Variants in WDR59 observed in about 807,000 individuals in gnomAD.
WDR59 encodes the protein WD repeat domain 59.
WDR59 carries 100 observed loss-of-function variants against 131.2 expected under a neutral mutation model. The observed-to-expected ratio is 0.76, with a 90% CI of 0.65 to 0.90. The LOEUF (loss-of-function observed/expected upper bound fraction) is 0.90. Among genes scored for constraint, WDR59 ranks in the 40% least tolerant of loss-of-function variants. The probability of loss-of-function intolerance (pLI) is 0.00; values close to 1 mark genes in which losing one functional copy is unlikely to be tolerated. For missense variants in WDR59, 1,203 were observed against 1,262.2 expected (o/e 0.95, Z 0.71); for synonymous variants, 601 against 466.2 (o/e 1.29, Z -3.72).
intron 1 of WDR59, among the ~76,000 whole-genome samples, chr16:74,967,384 C>T (rs1321318306): frequency 6.6e-6 from 1 of 152,166 alleles, no homozygotes; most frequent in African/African-American, 2.4e-5. Context: ...GTTCCTCTAA[C>T]AAGATCTGTG....
At position 74,873,726 on chromosome 16, in the gene WDR59, T is replaced by C. The variant is rs1428786899; in HGVS notation, c.*483A>G. 6.5e-6 allele frequency: 1 copy of C among 154,658 alleles called. No individual in the cohort carries two copies. Among genetic ancestry groups the C allele is most frequent in the Non-Finnish European group, 1.4e-5 (1 of 69,718 alleles). The allele number at this position is 154,658 out of a possible 1,614,324, so 9.6% of individuals were successfully genotyped here. On this transcript the variant is annotated 3_prime_UTR_variant, in exon 26 of 26. Transcript: ENST00000262144. ...TAAGTGTCATATTTTAGAAGGCCACTGTCCATCAGCTCAGTAAATGTACCA... is the reference window on the plus strand; with the variant it reads ...TAAGTGTCATATTTTAGAAGGCCACCGTCCATCAGCTCAGTAAATGTACCA...
intron 10 of WDR59, among the ~76,000 whole-genome samples, chr16:74,919,251 A>G (rs1034477468): frequency 6.6e-6 from 1 of 150,792 alleles, no homozygotes; most frequent in African/African-American, 2.4e-5. Flanking sequence ...ATTCACTAAA[A>G]CCGGTTCCTG....
intron 6 of WDR59, among the ~76,000 whole-genome samples, chr16:74,944,534 A>G (rs2032467468): frequency 6.6e-6 from 1 of 151,874 alleles, no homozygotes; most frequent in African/African-American, 2.4e-5. Flanking sequence ...TCTCAGACAC[A>G]GAGAACACTC....
chr16:74,948,013 T>C (rs1282237509), intron 6 of WDR59, among the ~76,000 whole-genome samples: 1 of 151,990 alleles, frequency 6.6e-6, no homozygotes, highest in Non-Finnish European at 1.5e-5. Flanking sequence ...GAGGCTGCAG[T>C]GAGCCAAGGC....
chr16:74,889,615 C>T, intron 21 of WDR59, 88 bp downstream of exon 21: 2 of 1,028,550 alleles, frequency 1.9e-6, no homozygotes, highest in Non-Finnish European at 3.0e-6. Flanking sequence ...GGCCTCTGCA[C>T]CTTTCTCTTA....
intron 10 of WDR59, among the ~76,000 whole-genome samples, chr16:74,919,694 C>T (rs536400105): frequency 2.0e-5 from 3 of 152,054 alleles, no homozygotes; most frequent in Non-Finnish European, 4.4e-5. Context: ...CAGTTAAATG[C>T]TTTTCTCTTA....
At chr16:74,898,072 C>T (rs1399434470) in intron 18 of WDR59, among the ~76,000 whole-genome samples, 1 of 152,200 alleles carries the variant, frequency 6.6e-6, no homozygotes, top group African/African-American at 2.4e-5. Flanking sequence ...ACTCATGTTC[C>T]ATCCACTTCT....
intron 2 of WDR59, chr16:74,963,061 G>C (rs1347937521): frequency 6.6e-6 from 1 of 152,144 alleles, no homozygotes; most frequent in African/African-American, 2.4e-5. Context: ...ATCAAGACCA[G>C]CCTGGGCAAC....
rs1279492120 is a variant in WDR59 at position 74,899,684 on chromosome 16, A to G, written c.1866+4263T>C. On this transcript the variant is annotated intron_variant, in intron 18 of 25. Transcript: ENST00000262144. Reference sequence around the variant, plus strand: ...AGGATTAGTTAAGGAGAGCATTTGCACAGCGCACAGTACCGGGAAGTCGTT... The same window carrying G: ...AGGATTAGTTAAGGAGAGCATTTGCGCAGCGCACAGTACCGGGAAGTCGTT... 8 of 1,289,080 alleles carry G rather than the reference A, an allele frequency of 6.2e-6. No individual in the cohort carries two copies. The African/African-American group carries it at 1.2e-4, about 20-fold the overall frequency. 79.9% of individuals were successfully genotyped at this position (1,289,080 alleles called of 1,614,324 possible).
In WDR59 at chr16:74,982,095, A is replaced by T. The variant is rs77045111; in HGVS notation, c.54+2869T>A. Among the ~76,000 whole-genome samples the T allele has an allele frequency of 5.3e-3, 760 of 144,322 alleles. 3 individuals are homozygous for T. The highest frequency in any genetic ancestry group is 8.2e-3 in the Non-Finnish European group (538 of 65,294). 94.7% of individuals were successfully genotyped at this position (144,322 alleles called of 152,430 possible). On this transcript the variant is annotated intron_variant, in intron 1 of 25. Transcript: ENST00000262144. Reference sequence around the variant, plus strand: ...GATACAGAGACTCCTATCCCTATTTAAAAAAAAAATGCAAAATGAAAGAAA... The same window carrying T: ...GATACAGAGACTCCTATCCCTATTTTAAAAAAAAATGCAAAATGAAAGAAA...
At chr16:74,902,540 A>T (rs770269061) in intron 18 of WDR59, among the ~76,000 whole-genome samples, 3 of 152,122 alleles carry the variant, frequency 2.0e-5, no homozygotes, top group Non-Finnish European at 2.9e-5. Flanking sequence ...CACCCCCACA[A>T]AGTGAAAATT....
chr16:74,920,618 T>C (rs955143491), intron 10 of WDR59, among the ~76,000 whole-genome samples: 1 of 152,156 alleles, frequency 6.6e-6, no homozygotes, highest in African/African-American at 2.4e-5. Flanking sequence ...CCAGAACTCC[T>C]GGCCTCAAGT....
intron 2 of WDR59, among the ~76,000 whole-genome samples, chr16:74,960,896 A>AT (rs1243481911): frequency 6.6e-6 from 1 of 152,096 alleles, no homozygotes; most frequent in African/African-American, 2.4e-5. Flanking sequence ...TTCTAAAAAA[A>AT]ATTTCTGTAT....
chr16:74,941,773 G>T (rs1418454028), intron 7 of WDR59, among the ~76,000 whole-genome samples: 1 of 152,012 alleles, frequency 6.6e-6, no homozygotes, highest in Non-Finnish European at 1.5e-5. Context: ...AAGGCAGAGG[G>T]CTTCTGCCAC....
intron 1 of WDR59, among the ~76,000 whole-genome samples, chr16:74,967,265 C>G (rs1405270106): frequency 6.6e-6 from 1 of 152,138 alleles, no homozygotes; most frequent in Non-Finnish European, 1.5e-5. Flanking sequence ...GAGTCAGGAG[C>G]AGAGCGAAGC....
chr16:74,888,117 C>CA (rs35324656), intron 22 of WDR59, 52 bp downstream of exon 22: 12,459 of 1,222,948 alleles, frequency 0.01, no homozygotes, highest in South Asian at 0.017. Context: ...AACTCCGTCT[C>CA]AAAAAAAAAA....
Position 74,938,600 on chromosome 16 carries a change from G to A in WDR59, c.535-334C>T, listed in dbSNP as rs554464821. Among the ~76,000 whole-genome samples the A allele has an allele frequency of 2.0e-5, 3 of 152,174 alleles. No homozygotes were observed. In the East Asian group the frequency reaches 5.8e-4, roughly 29 times the overall value. ...CACCCAGGTTGGAGTGCAGTGGCAC[G>A]ATCACAGCTCACTGCAGCCTCAACT... On this transcript the variant is annotated intron_variant, in intron 7 of 25. Transcript: ENST00000262144.
chr16:74,886,478 T>C, intron 23 of WDR59, 82 bp from the exon 24 acceptor site: 2 of 1,505,254 alleles, frequency 1.3e-6, no homozygotes, highest in South Asian at 2.6e-5. Context: ...AGACAGCACG[T>C]GGCCAATGGA....
chr16:74,908,480 T>C (rs1292304477), intron 17 of WDR59, among the ~76,000 whole-genome samples: 1 of 152,206 alleles, frequency 6.6e-6, no homozygotes, highest in African/African-American at 2.4e-5. Context: ...TTATGGAATG[T>C]TTTAAAATTA....
Sources: gnomAD v4.1 joint callset for allele counts (sites outside exome capture counted in the v4.1 genomes callset) on GRCh38, gnomAD v4.1.1 for gene constraint, MANE v1.5 for transcripts, NCBI Gene and HGNC (gene_info 2026-07-23, HGNC 2026-07-21) for gene names.